Variants in AXDND1 observed in about 807,000 individuals in gnomAD.
The protein encoded by AXDND1 is axonemal dynein light chain domain-containing protein 1.
A neutral mutation model predicts 137.5 loss-of-function variants in AXDND1; 110 were observed. That is an observed-to-expected ratio of 0.80 (90% CI 0.69 to 0.94). The LOEUF is 0.94. Ranked by LOEUF, AXDND1 falls within the 40% of genes least tolerant of loss-of-function variation. The probability of loss-of-function intolerance (pLI) is 0.00; values close to 1 mark genes in which losing one functional copy is unlikely to be tolerated. For synonymous variants in AXDND1, 414 were observed against 399.7 expected (o/e 1.04, Z -0.43); for missense variants, 1,191 against 1,169.8 (o/e 1.02, Z -0.26).
chr1:179,491,615 A>G lies in AXDND1; in HGVS notation c.2169A>G (p.Gln723=). The G allele has an allele frequency of 1.2e-6, 2 of 1,613,848 alleles. No individual in the cohort carries two copies. The highest frequency in any genetic ancestry group is 1.7e-6 in the Non-Finnish European group (2 of 1,179,736). ...TAATGATACCCAACTTTACTGACCAAGACTGTCTCCTAAAGTTGGAGGAGG... is the reference window on the plus strand; with the variant it reads ...TAATGATACCCAACTTTACTGACCAGGACTGTCTCCTAAAGTTGGAGGAGG... The part of the protein sequence containing the change: ...LILMIPNFTD[Q]DCLLKLEEES... The change falls in exon 19 of 26, where the codon CAA becomes CAG. Residue 723 remains glutamine (Q), a synonymous_variant. Transcript: ENST00000367618.
At chr1:179,389,535 C>A (rs1053652168) in intron 9 of AXDND1, among the ~76,000 whole-genome samples, 9 of 152,140 alleles carry the variant, frequency 5.9e-5, no homozygotes, top group African/African-American at 2.2e-4. Context: ...CACTTGCCCA[C>A]GTCTCCCACT....
intron 20 of AXDND1, among the ~76,000 whole-genome samples, chr1:179,504,436 A>G (rs1168706218): frequency 2.0e-5 from 3 of 152,184 alleles, no homozygotes; most frequent in South Asian, 2.1e-4. Context: ...TCATTTACCT[A>G]AAAGTGGGTA....
At chr1:179,483,676 A>G (rs1235383351) in intron 18 of AXDND1, among the ~76,000 whole-genome samples, 1 of 152,218 alleles carries the variant, frequency 6.6e-6, no homozygotes, top group Non-Finnish European at 1.5e-5. Context: ...ATTTATCTCC[A>G]TGAAATCATA....
intron 21 of AXDND1, among the ~76,000 whole-genome samples, chr1:179,513,273 AG>A (rs1351824432): frequency 6.6e-6 from 1 of 152,196 alleles, no homozygotes; most frequent in Non-Finnish European, 1.5e-5. Context: ...TTAATCATAA[AG>A]GGATGCTGGA....
intron 12 of AXDND1, among the ~76,000 whole-genome samples, chr1:179,413,100 C>T (rs1654141953): frequency 6.6e-6 from 1 of 151,866 alleles, no homozygotes; most frequent in Admixed American, 6.6e-5. Flanking sequence ...TATTGAAGTA[C>T]AATTGATATA....
Position 179,429,540 on chromosome 1 carries a change from T to A in AXDND1, c.1253T>A (p.Ile418Lys), listed in dbSNP as rs527456444. ...ALKVIERNRVILARRLYLNEK... is the reference protein window; with the variant it reads ...ALKVIERNRVKLARRLYLNEK... ...TAGGTGATTGAAAGAAATAGAGTCA[T>A]ATTGGCTAGAAGACTTTACCTTAAT... The change falls in exon 13 of 26, where the codon ATA becomes AAA. Residue 418 changes from isoleucine (I) to lysine (K), a missense_variant. Coordinates refer to ENST00000367618, the MANE Select transcript of AXDND1 (RefSeq NM_144696.6). 7 of 1,553,704 alleles carry A rather than the reference T, an allele frequency of 4.5e-6. No individual in the cohort carries two copies. The highest frequency in any genetic ancestry group is 1.7e-4 in the Middle Eastern group (1 of 5,812).
intron 4 of AXDND1, among the ~76,000 whole-genome samples, chr1:179,378,339 GAATCA>G (rs1647636365): frequency 6.6e-6 from 1 of 152,148 alleles, no homozygotes. Context: ...GGCAAAGATG[GAATCA>G]AGCACCTAAG....
rs535341309 is a variant in AXDND1, at chr1:179,471,793, G to A, written c.1997+3152G>A. 1.6e-3 allele frequency among the ~76,000 whole-genome samples: 215 copies of A among 132,808 alleles called. 2 individuals carry two copies. Among genetic ancestry groups the A allele is most frequent in the African/African-American group, 6.5e-3 (208 of 31,828 alleles). The allele number at this position is 132,808 out of a possible 152,430, so 87.1% of individuals were successfully genotyped here. A position where few individuals can be genotyped will look rare whatever the true frequency, so the allele number is the denominator to read the frequency against. ...CTTTTCCATAGTCTTAAGTTGAGCT[G>A]TTAGTTTATTGATTTGAGATTTTTC... On this transcript the variant is annotated intron_variant, in intron 17 of 25. Transcript: ENST00000367618.
At chr1:179,374,018 AAT>A (rs1668319748) in intron 4 of AXDND1, among the ~76,000 whole-genome samples, 1 of 152,232 alleles carries the variant, frequency 6.6e-6, no homozygotes, top group Non-Finnish European at 1.5e-5. Context: ...AGCAAAAAAA[AAT>A]TACCATCAGA....
Position 179,407,234 on chromosome 1 carries a change from T to C in AXDND1, c.1110-3912T>C, listed in dbSNP as rs187842464. Among the ~76,000 whole-genome samples, 584 of 152,084 alleles carry C rather than the reference T, an allele frequency of 3.8e-3. 4 individuals carry two copies. The highest frequency in any genetic ancestry group is 0.013 in the African/African-American group (546 of 41,510). On this transcript the variant is annotated intron_variant, in intron 11 of 25. Transcript: ENST00000367618. ...CTAGCAGGGTTTTTTTTCTTTCTTTTTTTTTTTGTTTTGAGATGGAGTCTT... is the reference window on the plus strand; with the variant it reads ...CTAGCAGGGTTTTTTTTCTTTCTTTCTTTTTTTGTTTTGAGATGGAGTCTT...
At chr1:179,506,973 T>A in intron 20 of AXDND1, 1 of 885,598 alleles carries the variant, frequency 1.1e-6, no homozygotes, top group African/African-American at 1.8e-5. Flanking sequence ...GATCTGTGGA[T>A]CATGGATTCT....
chr1:179,509,564 C>G (rs552753603), intron 21 of AXDND1, among the ~76,000 whole-genome samples, 161 bp downstream of exon 21: 1 of 152,132 alleles, frequency 6.6e-6, no homozygotes, highest in Non-Finnish European at 1.5e-5. Context: ...CTCTTCTTCC[C>G]TCTAAGGAAT....
intron 11 of AXDND1, among the ~76,000 whole-genome samples, chr1:179,405,605 G>T (rs1019015282): frequency 4.6e-5 from 7 of 152,038 alleles, no homozygotes; most frequent in Admixed American, 1.3e-4. Context: ...TTTCAATTTT[G>T]TAGGTTTTAT....
Position 179,430,334 on chromosome 1 carries a change from A to G in AXDND1, c.1333-118A>G, listed in dbSNP as rs1571801346. The G allele has an allele frequency of 5.0e-6, 4 of 800,208 alleles. No individual in the cohort carries two copies. In the South Asian group the frequency reaches 1.0e-4, roughly 21 times the overall value. 49.6% of individuals were successfully genotyped at this position (800,208 alleles called of 1,614,324 possible). A position where few individuals can be genotyped will look rare whatever the true frequency, so the allele number is the denominator to read the frequency against. The stretch of plus-strand genomic sequence containing the variant: ...TAGTAGTGTAACTTTTCAATTTTTA[A>G]TCAATTTTCTATGAATTTCTCTAGT... On this transcript the variant is annotated intron_variant, in intron 13 of 25. Transcript: ENST00000367618.
intron 18 of AXDND1, among the ~76,000 whole-genome samples, chr1:179,486,119 C>CAAAAAAAAAAA (rs1173009992): frequency 4.4e-5 from 1 of 22,660 alleles, no homozygotes; most frequent in African/African-American, 1.3e-4. Context: ...AACTCTGTCT[C>CAAAAAAAAAAA]AAAAAAAAAA....
At chr1:179,456,435 C>T in intron 16 of AXDND1, 1 of 767,724 alleles carries the variant, frequency 1.3e-6, no homozygotes, top group South Asian at 1.3e-5. Context: ...ACTGCTTCCA[C>T]TACCACCACC....
intron 18 of AXDND1, among the ~76,000 whole-genome samples, chr1:179,490,022 G>A (rs1200130012): frequency 6.6e-6 from 1 of 152,142 alleles, no homozygotes; most frequent in African/African-American, 2.4e-5. Context: ...GAGATTACAG[G>A]CGTGAGCCAC....
intron 25 of AXDND1, chr1:179,543,108 C>T (rs550845238): frequency 1.3e-5 from 2 of 152,208 alleles, no homozygotes; most frequent in South Asian, 4.1e-4. Flanking sequence ...TCACTTTTTT[C>T]CTGAGGGTTG....
Position 179,525,353 on chromosome 1 carries a change from T to C in AXDND1, c.2516T>C (p.Ile839Thr). 2.5e-6 allele frequency: 4 copies of C among 1,611,466 alleles called. No homozygotes were observed. Among genetic ancestry groups the C allele is most frequent in the Non-Finnish European group, 3.4e-6 (4 of 1,178,480 alleles). The change falls in exon 22 of 26, where the codon ATT becomes ACT. Residue 839 changes from isoleucine (I) to threonine (T), a missense_variant. By Grantham distance (89) the Ile-to-Thr change is moderately conservative (BLOSUM62 -1). Coordinates refer to ENST00000367618, the MANE Select transcript of AXDND1 (RefSeq NM_144696.6). ...LLEEEAVKEFIEPEIDESFKE... is the reference protein window; with the variant it reads ...LLEEEAVKEFTEPEIDESFKE... ...TCACAGGAGGCTGTAAAAGAATTCATTGAGCCTGAAATAGACGAGTCTTTT... is the reference window on the plus strand; with the variant it reads ...TCACAGGAGGCTGTAAAAGAATTCACTGAGCCTGAAATAGACGAGTCTTTT...
Sources: gnomAD v4.1 joint callset for allele counts (sites outside exome capture counted in the v4.1 genomes callset) on GRCh38, gnomAD v4.1.1 for gene constraint, MANE v1.5 for transcripts, NCBI Gene and HGNC (gene_info 2026-07-23, HGNC 2026-07-21) for gene names.